The following ARID3A variants were observed in gnomAD, a reference collection of about 807,000 sequenced individuals.
ARID3A encodes the protein AT-rich interaction domain 3A.
A neutral mutation model predicts 52.7 loss-of-function variants in ARID3A; 11 were observed. The ratio of observed to expected loss-of-function variants is 0.21; its 90% confidence interval spans 0.13 to 0.35. ARID3A has a LOEUF of 0.35. Ranked by LOEUF, ARID3A falls within the 10% of genes least tolerant of loss-of-function variation. The pLI, the probability that ARID3A is intolerant of heterozygous loss-of-function variation, is 1.00. For synonymous variants in ARID3A, 404 were observed against 359.4 expected (o/e 1.12, Z -1.40); for missense variants, 721 against 838.5 (o/e 0.86, Z 1.73).
At chr19:940,638 C>A (rs2037530043) in intron 3 of ARID3A, among the ~76,000 whole-genome samples, 1 of 152,146 alleles carries the variant, frequency 6.6e-6, no homozygotes, top group Non-Finnish European at 1.5e-5. Context: ...GCAGCTGGGG[C>A]CTTTGCCCAG....
intron 4 of ARID3A, among the ~76,000 whole-genome samples, chr19:963,927 G>A (rs2038093789): frequency 6.6e-6 from 1 of 152,210 alleles, no homozygotes; most frequent in African/African-American, 2.4e-5. Flanking sequence ...GTGGCGTGGA[G>A]AAGGAATAAC....
At chr19:927,214 C>G (rs997188748) in intron 1 of ARID3A, among the ~76,000 whole-genome samples, 6 of 152,120 alleles carry the variant, frequency 3.9e-5, no homozygotes, top group Admixed American at 2.6e-4. Flanking sequence ...CCCTCCGCCC[C>G]CCACCCCTGC....
chr19:966,523 G>T (rs1193366993), intron 6 of ARID3A, 49 bp from the exon 7 acceptor site: 3 of 1,451,506 alleles, frequency 2.1e-6, no homozygotes, highest in Non-Finnish European at 2.8e-6. Flanking sequence ...TGAGTGGAAG[G>T]CAGGGCCCAG....
At chr19:958,533 T>C (rs994508744) in intron 3 of ARID3A, among the ~76,000 whole-genome samples, 1 of 152,096 alleles carries the variant, frequency 6.6e-6, no homozygotes, top group Non-Finnish European at 1.5e-5. Context: ...CGGGGGAACT[T>C]ACTGACATAC....
rs1288094122 is a variant in ARID3A, at chr19:972,220, A to AAT, written c.*156_*157insTA. The AAT allele has an allele frequency of 4.1e-4, 124 of 303,706 alleles. 1 individual carries two copies. Among genetic ancestry groups the AAT allele is most frequent in the East Asian group, 1.3e-4 (2 of 15,580 alleles). 18.8% of individuals were successfully genotyped at this position (303,706 alleles called of 1,614,324 possible). On this transcript the variant is annotated 3_prime_UTR_variant, in exon 9 of 9. Coordinates refer to ENST00000263620, the MANE Select transcript of ARID3A (RefSeq NM_005224.3). ...AGCTGACGCCAAAAAGAAAAGAAAA[A>AAT]AGATATATATATATATATATATATA...
chr19:946,606 A>C (rs1456941406), intron 3 of ARID3A, among the ~76,000 whole-genome samples: 3 of 151,066 alleles, frequency 2.0e-5, no homozygotes, highest in African/African-American at 7.3e-5. Context: ...ATGCCCGGCT[A>C]ATTTTTGTAT....
intron 3 of ARID3A, among the ~76,000 whole-genome samples, chr19:943,236 G>A (rs2037594350): frequency 2.0e-5 from 3 of 151,214 alleles, no homozygotes. Context: ...ACTCCAGACT[G>A]GGCGACAGGG....
At chr19:928,221 A>G (rs1164896786) in intron 1 of ARID3A, 1 of 152,142 alleles carries the variant, frequency 6.6e-6, no homozygotes, top group Non-Finnish European at 1.5e-5. Context: ...CGCTGTCCCC[A>G]TGATGTGCCT....
At chr19:965,253 T>A in intron 6 of ARID3A, 173 bp downstream of exon 6, 1 of 722,808 alleles carries the variant, frequency 1.4e-6, no homozygotes, top group Non-Finnish European at 2.2e-6. Context: ...ACATTACCAA[T>A]CCATCACCAT....
intron 1 of ARID3A, among the ~76,000 whole-genome samples, chr19:926,388 C>T (rs544078945): frequency 6.6e-6 from 1 of 151,816 alleles, no homozygotes; most frequent in African/African-American, 2.4e-5. Flanking sequence ...TTGGAGACTT[C>T]ACTCCCCACT....
intron 2 of ARID3A, among the ~76,000 whole-genome samples, chr19:930,699 C>G (rs969833826): frequency 1.3e-5 from 2 of 150,464 alleles, no homozygotes; most frequent in African/African-American, 2.4e-5. Context: ...TTAGTAGAGA[C>G]GGGGTTTCAC....
chr19:973,834 TG>T lies in ARID3A; in HGVS notation c.*1775del. 4.3e-6 allele frequency: 1 copy of T among 229,942 alleles called. No individual in the cohort carries two copies. Among genetic ancestry groups the T allele is most frequent in the Non-Finnish European group, 8.6e-6 (1 of 115,978 alleles). The allele number at this position is 229,942 out of a possible 1,614,324, so 14.2% of individuals were successfully genotyped here. ...GAAAGTGGGGTCACCGCAGCTGAGC[TG>T]GGGGGTTATTTTGGCTGGAGCTGCT... is the stretch of plus-strand genomic sequence containing the variant. On this transcript the variant is annotated 3_prime_UTR_variant, in exon 9 of 9. Coordinates refer to ENST00000263620, the MANE Select transcript of ARID3A (RefSeq NM_005224.3).
rs937423942 is a variant in ARID3A, at chr19:972,869, C to T, written c.*804C>T. 5.4e-6 allele frequency: 1 copy of T among 186,262 alleles called. No individual in the cohort carries two copies. The highest frequency in any genetic ancestry group is 2.4e-5 in the African/African-American group (1 of 41,568). The allele number at this position is 186,262 out of a possible 1,614,324, so 11.5% of individuals were successfully genotyped here. Reference sequence around the variant, plus strand: ...TTTTTCCCATGACCAATTTGGGTCCCTTTGTCCATTTCTGGGGGTGCGTTG... The same window carrying T: ...TTTTTCCCATGACCAATTTGGGTCCTTTTGTCCATTTCTGGGGGTGCGTTG... On this transcript the variant is annotated 3_prime_UTR_variant, in exon 9 of 9. Coordinates refer to ENST00000263620, the MANE Select transcript of ARID3A (RefSeq NM_005224.3).
At chr19:950,119 T>G (rs74176360) in intron 3 of ARID3A, among the ~76,000 whole-genome samples, 28 of 29,234 alleles carry the variant, frequency 9.6e-4, no homozygotes, top group Middle Eastern at 0.045. Context: ...GTCCCCAGAG[T>G]GAACGGATGG....
intron 6 of ARID3A, 62 bp downstream of exon 6, chr19:965,142 CT>C: frequency 6.6e-7 from 1 of 1,509,050 alleles, no homozygotes; most frequent in Non-Finnish European, 8.9e-7. Context: ...GCTGTCTGAC[CT>C]TGGGGGATAC....
chr19:972,970 G>A lies in ARID3A; in HGVS notation c.*905G>A. On this transcript the variant is annotated 3_prime_UTR_variant, in exon 9 of 9. Coordinates refer to ENST00000263620, the MANE Select transcript of ARID3A (RefSeq NM_005224.3). ...CAATGAACTCAGGTGCTATGGGCCGGGCTGGGGCAGAGGGTGCATGCTGGG... is the reference window on the plus strand; with the variant it reads ...CAATGAACTCAGGTGCTATGGGCCGAGCTGGGGCAGAGGGTGCATGCTGGG... The A allele has an allele frequency of 4.8e-6, 1 of 209,330 alleles. No homozygotes were observed. The highest frequency in any genetic ancestry group is 9.7e-6 in the Non-Finnish European group (1 of 102,776). 13.0% of individuals were successfully genotyped at this position (209,330 alleles called of 1,614,324 possible). A position where few individuals can be genotyped will look rare whatever the true frequency, so the allele number is the denominator to read the frequency against.
chr19:934,983 A>G lies in ARID3A; in HGVS notation c.693+2241A>G, dbSNP rs116876756. 2.5e-3 allele frequency among the ~76,000 whole-genome samples: 378 copies of G among 152,112 alleles called. 9 individuals carry two copies. In the East Asian group the frequency reaches 0.053, roughly 21 times the overall value. ...CCGCCGCCCGCCCAGCTGGCCAGAC[A>G]CCTGTGTTCCCAGTGTCAACAGTGG... On this transcript the variant is annotated intron_variant, in intron 3 of 8. Transcript: ENST00000263620.
chr19:952,432 AC>A (rs1157250708), intron 3 of ARID3A, among the ~76,000 whole-genome samples: 1 of 83,942 alleles, frequency 1.2e-5, no homozygotes, highest in African/African-American at 4.9e-5. Context: ...ACAGAGCGAG[AC>A]CCTGTCTCAA....
Position 929,845 on chromosome 19 carries a change from G to T in ARID3A, c.317G>T (p.Arg106Ile), listed in dbSNP as rs1462752427. The T allele has an allele frequency of 6.5e-7, 1 of 1,545,094 alleles. No homozygotes were observed. The highest frequency in any genetic ancestry group is 2.0e-5 in the Admixed American group (1 of 51,038). ...EGTPGSPGRGREGPGEEHFED... is the reference protein window; with the variant it reads ...EGTPGSPGRGIEGPGEEHFED... ...ACACCGGGCTCACCCGGGCGAGGCA[G>T]AGAAGGGCCAGGAGAGGAGCACTTT... The change falls in exon 2 of 9, where the codon AGA becomes ATA. Residue 106 changes from arginine (R) to isoleucine (I), a missense_variant. Around this residue, in one of 5 missense-constraint regions of ARID3A, gnomAD observed 349 missense variants for 297.3 expected, o/e 1.17. Transcript: ENST00000263620. This position sits in a 1 kb window ranked among gnomAD's most constrained non-coding sequence, Gnocchi z 6.2.
Sources: gnomAD v4.1 joint callset for allele counts (sites outside exome capture counted in the v4.1 genomes callset) on GRCh38, gnomAD v4.1.1 for gene constraint, gnomAD v4.1.1 regional missense constraint, Gnocchi (gnomAD v3.1) non-coding constraint, MANE v1.5 for transcripts, NCBI Gene and HGNC (gene_info 2026-07-23, HGNC 2026-07-21) for gene names.